RIN3: variants seen among roughly 807,000 people sequenced by gnomAD.
RIN3 encodes Ras and Rab interactor 3.
RIN3 carries 54 observed loss-of-function variants against 76.3 expected under a neutral mutation model. The ratio of observed to expected loss-of-function variants is 0.71; its 90% CI spans 0.57 to 0.89. The LOEUF (loss-of-function observed/expected upper bound fraction) is 0.89, where lower values mean the gene tolerates loss of function less well. Ranked by LOEUF, RIN3 falls within the 40% of genes least tolerant of loss-of-function variation. The pLI, the probability that RIN3 is intolerant of heterozygous loss-of-function variation, is 0.00. For missense variants in RIN3, 1,256 were observed against 1,322.1 expected, an observed-to-expected ratio of 0.95 and a Z score of 0.78; for synonymous variants, 576 against 564.0, an observed-to-expected ratio of 1.02 and a Z score of -0.30.
chr14:92,661,965 G>A (rs1887905038), intron 7 of RIN3, among the ~76,000 whole-genome samples: 1 of 152,198 alleles, frequency 6.6e-6, no homozygotes, highest in Non-Finnish European at 1.5e-5. Flanking sequence ...ACAGGCCCAG[G>A]ATGTAAACTC....
At chr14:92,659,573 TC>T in intron 7 of RIN3, 104 bp downstream of exon 7, 1 of 1,130,592 alleles carries the variant, frequency 8.8e-7, no homozygotes, top group Non-Finnish European at 1.2e-6. Flanking sequence ...CCCCAGACTT[TC>T]CAGATTCAGA....
intron 3 of RIN3, among the ~76,000 whole-genome samples, chr14:92,580,922 G>A (rs772522123): frequency 7.2e-5 from 11 of 152,366 alleles, no homozygotes; most frequent in Admixed American, 3.3e-4. Flanking sequence ...GTTTTGAACT[G>A]CTAGAAGCCT....
In RIN3 at chr14:92,560,034, C is replaced by T. The variant is rs140374562; in HGVS notation, c.249+4079C>T. The stretch of plus-strand genomic sequence containing the variant: ...ACTGACAAAGCCAGGCTAGGTTGCT[C>T]GGGGCCTGTGGCAAGAGGCAAAGGC... On this transcript the variant is annotated intron_variant, in intron 2 of 9. Transcript: ENST00000216487. Among the ~76,000 whole-genome samples the T allele has an allele frequency of 4.7e-3, 710 of 152,280 alleles. 8 individuals are homozygous for T. The highest frequency in any genetic ancestry group is 0.016 in the African/African-American group (685 of 41,548).
At chr14:92,678,093 C>A (rs1888532474) in intron 8 of RIN3, among the ~76,000 whole-genome samples, 1 of 150,740 alleles carries the variant, frequency 6.6e-6, no homozygotes, top group Non-Finnish European at 1.5e-5. Flanking sequence ...CATCCATTCA[C>A]CCATCCATCT....
intron 3 of RIN3, among the ~76,000 whole-genome samples, chr14:92,582,292 A>T (rs1884574272): frequency 6.6e-6 from 1 of 151,952 alleles, no homozygotes; most frequent in Admixed American, 6.6e-5. Flanking sequence ...ACTTTTAAAA[A>T]TTCAGTGCTC....
intron 7 of RIN3, among the ~76,000 whole-genome samples, chr14:92,675,594 A>T (rs1273146251): frequency 3.9e-5 from 6 of 152,214 alleles, no homozygotes; most frequent in Admixed American, 6.5e-5. Context: ...AGGCGTGGCC[A>T]TTCCCACCAT....
chr14:92,665,885 C>A (rs1045603470), intron 7 of RIN3, among the ~76,000 whole-genome samples: 1 of 152,190 alleles, frequency 6.6e-6, no homozygotes, highest in African/African-American at 2.4e-5. Flanking sequence ...TCCCAGCATT[C>A]AATCATACCT....
rs1887435966 is a variant in RIN3, at chr14:92,651,783, G to A, written c.734G>A (p.Ser245Asn). The change falls in exon 6 of 10, where the codon AGC (serine) becomes AAC (asparagine). Residue 245 changes from serine (S) to asparagine (N), a missense_variant. By Grantham distance (46) the Ser-to-Asn change is conservative. This residue lies in a region of RIN3 where 610 missense variants were observed against 626.4 expected (regional missense o/e 0.97). Coordinates refer to ENST00000216487, the MANE Select transcript of RIN3 (RefSeq NM_024832.5). The part of the protein sequence containing the change: ...VNPIFIEDCS[S>N]ALPTDQPPLG... ...CCTATTTTCATCGAGGACTGCAGCA[G>A]CGCCCTGCCCACCGACCAGCCACCT... 3 of 1,613,876 alleles carry A rather than the reference G, an allele frequency of 1.9e-6. No homozygotes were observed. The African/African-American group carries it at 4.0e-5, about 22-fold the overall frequency.
chr14:92,583,985 G>A (rs1386727744), intron 3 of RIN3, among the ~76,000 whole-genome samples: 2 of 152,134 alleles, frequency 1.3e-5, no homozygotes, highest in African/African-American at 2.4e-5. Flanking sequence ...GGTGAAGCTC[G>A]CCCTCCCAAT....
chr14:92,551,289 TC>T (rs1391456338), intron 1 of RIN3, among the ~76,000 whole-genome samples: 1 of 152,174 alleles, frequency 6.6e-6, no homozygotes, highest in East Asian at 1.9e-4. Flanking sequence ...TGTGGTTAAT[TC>T]CTTTTTATTG....
chr14:92,559,556 G>A (rs1474304977), intron 2 of RIN3, among the ~76,000 whole-genome samples: 4 of 152,244 alleles, frequency 2.6e-5, no homozygotes, highest in Non-Finnish European at 2.9e-5. Context: ...GGGACTCCAT[G>A]CACCAATATG....
chr14:92,564,656 T>C (rs997724765), intron 2 of RIN3, among the ~76,000 whole-genome samples: 1 of 152,186 alleles, frequency 6.6e-6, no homozygotes, highest in Non-Finnish European at 1.5e-5. Context: ...CGCTGTTTTT[T>C]TGGTGGGGGC....
At position 92,679,076 on chromosome 14, in the gene RIN3, G is replaced by A. The variant is rs539484913; in HGVS notation, c.2467+2470G>A. Among the ~76,000 whole-genome samples the A allele has an allele frequency of 6.6e-5, 10 of 152,334 alleles. No individual in the cohort carries two copies. The South Asian group carries it at 1.2e-3, about 19-fold the overall frequency. On this transcript the variant is annotated intron_variant, in intron 8 of 9. Transcript: ENST00000216487. The stretch of plus-strand genomic sequence containing the variant: ...TTGGGTGAGAAACAGAGAAGTTCTC[G>A]AGGCCAGAGAGCATGTCAATTCTGG...
chr14:92,585,342 A>G (rs941562992), intron 3 of RIN3, among the ~76,000 whole-genome samples: 33 of 152,284 alleles, frequency 2.2e-4, no homozygotes, highest in Admixed American at 1.3e-3. Flanking sequence ...GCAGAACTCA[A>G]AGGCATTGTG....
chr14:92,558,762 C>T (rs942584877), intron 2 of RIN3, among the ~76,000 whole-genome samples: 19 of 152,166 alleles, frequency 1.2e-4, no homozygotes, highest in Non-Finnish European at 2.2e-4. Flanking sequence ...GTTATCCCAC[C>T]GGAAGGGTGA....
At chr14:92,669,482 A>T (rs1487112814) in intron 7 of RIN3, among the ~76,000 whole-genome samples, 1 of 152,156 alleles carries the variant, frequency 6.6e-6, no homozygotes, top group Admixed American at 6.5e-5. Flanking sequence ...GTCTTCAAGG[A>T]AGACTTCTGG....
At position 92,679,440 on chromosome 14, in the gene RIN3, G is replaced by A. The variant is rs370410931; in HGVS notation, c.2467+2834G>A. The stretch of plus-strand genomic sequence containing the variant: ...TGCCCTACTTCAATAGTCAGGGTGT[G>A]GGAGGTCACAGCACCTAGGACAGCC... On this transcript the variant is annotated intron_variant, in intron 8 of 9. Transcript: ENST00000216487. Among the ~76,000 whole-genome samples, 105 of 152,374 alleles carry A rather than the reference G, an allele frequency of 6.9e-4. 1 individual carries two copies. In the South Asian group the frequency reaches 0.02, roughly 29 times the overall value.
chr14:92,581,503 G>A (rs891642750), intron 3 of RIN3, among the ~76,000 whole-genome samples: 3 of 152,166 alleles, frequency 2.0e-5, no homozygotes, highest in South Asian at 2.1e-4. Context: ...TGCTGTTCAC[G>A]GCCAGGGTGG....
intron 5 of RIN3, among the ~76,000 whole-genome samples, chr14:92,642,238 G>A (rs1887043012): frequency 6.6e-6 from 1 of 151,960 alleles, no homozygotes; most frequent in Non-Finnish European, 1.5e-5. Context: ...GAGTAGCTGG[G>A]ACTATAGGCG....
Sources: gnomAD v4.1 joint callset for allele counts (sites outside exome capture counted in the v4.1 genomes callset) on GRCh38, gnomAD v4.1.1 for gene constraint, gnomAD v4.1.1 regional missense constraint, MANE v1.5 for transcripts, NCBI Gene and HGNC (gene_info 2026-07-23, HGNC 2026-07-21) for gene names.